TGFBR3: variants seen among roughly 807,000 people sequenced by gnomAD.
TGFBR3 encodes the protein transforming growth factor beta receptor 3, also known as transforming growth factor beta receptor type 3.
TGFBR3 carries 46 observed loss-of-function variants against 87.9 expected under a neutral mutation model. The observed-to-expected ratio is 0.52, with a 90% CI of 0.41 to 0.67. TGFBR3 has a LOEUF of 0.67. Ranked by LOEUF, TGFBR3 falls within the 30% of genes least tolerant of loss-of-function variation. TGFBR3 has a pLI of 0.00. For synonymous variants in TGFBR3, 381 were observed against 391.6 expected, an observed-to-expected ratio of 0.97 and a Z score of 0.32; for missense variants, 866 against 1,041.9, an observed-to-expected ratio of 0.83 and a Z score of 2.32.
rs75475379 is a variant in TGFBR3, at chr1:91,765,605, T to C, written c.247-6855A>G. On this transcript the variant is annotated intron_variant, in intron 3 of 16. Coordinates refer to ENST00000212355, the MANE Select transcript of TGFBR3 (RefSeq NM_003243.5). The stretch of plus-strand genomic sequence containing the variant: ...ACAGCGTAGAATGGCACTTGGGCCA[T>C]CCATGGGAACCATAAAAGGCAAAGA... 6.5e-3 allele frequency among the ~76,000 whole-genome samples: 990 copies of C among 152,196 alleles called. 14 individuals are homozygous for C. Among genetic ancestry groups the C allele is most frequent in the African/African-American group, 0.022 (931 of 41,496 alleles).
rs1670918358 is a variant in TGFBR3, at chr1:91,681,829, G to T, written c.*1910C>A. 1 of 453,212 alleles carries T rather than the reference G, an allele frequency of 2.2e-6. No homozygotes were observed. The allele number at this position is 453,212 out of a possible 1,614,324, so 28.1% of individuals were successfully genotyped here. On this transcript the variant is annotated 3_prime_UTR_variant, in exon 17 of 17. Coordinates refer to ENST00000212355, the MANE Select transcript of TGFBR3 (RefSeq NM_003243.5). Reference sequence around the variant, plus strand: ...TGCTGAAACAATACATTCCACCGAAGGTTAGGCAAAGCGCAATATTTTCAA... The same window carrying T: ...TGCTGAAACAATACATTCCACCGAATGTTAGGCAAAGCGCAATATTTTCAA...
chr1:91,903,224 A>G (rs1198487440), intron 1 of TGFBR3, among the ~76,000 whole-genome samples: 1 of 150,132 alleles, frequency 6.7e-6, no homozygotes, highest in African/African-American at 2.4e-5. Context: ...CTGTAATCCC[A>G]GCTACTCAGG....
chr1:91,726,807 AAAAAAAAAAT>A (rs1672566018), intron 7 of TGFBR3, among the ~76,000 whole-genome samples: 1 of 146,570 alleles, frequency 6.8e-6, no homozygotes, highest in Non-Finnish European at 1.5e-5. Context: ...AAAAAAAAAA[AAAAAAAAAAT>A]TTGAGCCCAT....
chr1:91,687,886 A>G (rs1022672550), intron 16 of TGFBR3, among the ~76,000 whole-genome samples: 4 of 152,232 alleles, frequency 2.6e-5, no homozygotes, highest in African/African-American at 9.6e-5. Context: ...GATGCTAGAA[A>G]GAAAATAAAG....
intron 16 of TGFBR3, among the ~76,000 whole-genome samples, chr1:91,695,212 T>TA (rs1671392228): frequency 1.3e-5 from 2 of 152,180 alleles, no homozygotes; most frequent in East Asian, 1.9e-4. Flanking sequence ...TAGCATGGGT[T>TA]AAAAAAAGGT....
intron 3 of TGFBR3, among the ~76,000 whole-genome samples, chr1:91,795,757 C>A (rs1675359393): frequency 6.6e-6 from 1 of 152,160 alleles, no homozygotes; most frequent in Admixed American, 6.5e-5. Flanking sequence ...AACTCTCCCC[C>A]ATCAGTTCAG....
chr1:91,761,075 G>T (rs1673943968), intron 3 of TGFBR3, among the ~76,000 whole-genome samples: 1 of 152,212 alleles, frequency 6.6e-6, no homozygotes. Context: ...TGCAGGGGCT[G>T]CATCAACCCT....
chr1:91,747,145 AC>A (rs1192831249), intron 4 of TGFBR3, among the ~76,000 whole-genome samples: 2 of 152,230 alleles, frequency 1.3e-5, no homozygotes, highest in Admixed American at 1.3e-4. Context: ...GCAGATTCAA[AC>A]TGTCTGCTGG....
At chr1:91,861,229 T>C (rs1678175172) in intron 2 of TGFBR3, among the ~76,000 whole-genome samples, 1 of 152,064 alleles carries the variant, frequency 6.6e-6, no homozygotes, top group Admixed American at 6.6e-5. Flanking sequence ...TAGGAAACCC[T>C]ATCTCTACAA....
At chr1:91,848,161 A>G (rs1677578418) in intron 2 of TGFBR3, among the ~76,000 whole-genome samples, 1 of 152,234 alleles carries the variant, frequency 6.6e-6, no homozygotes, top group Non-Finnish European at 1.5e-5. Context: ...AAGGCATGCT[A>G]AAATCAAGCT....
At position 91,683,862 on chromosome 1, in the gene TGFBR3, A is replaced by G; in HGVS notation, c.2438-5T>C. ...GCTGCCTTCCTGCTGTCTCCCCTGC[A>G]GTTAATAAAGAAAAGGCAGAGTCAG... is the stretch of plus-strand genomic sequence containing the variant. On this transcript the variant is annotated splice_region_variant and splice_polypyrimidine_tract_variant and intron_variant, in intron 16 of 16. Coordinates refer to ENST00000212355, the MANE Select transcript of TGFBR3 (RefSeq NM_003243.5). 1 of 1,593,106 alleles carries G rather than the reference A, an allele frequency of 6.3e-7. No homozygotes were observed. The highest frequency in any genetic ancestry group is 8.6e-7 in the Non-Finnish European group (1 of 1,169,088).
chr1:91,725,080 T>C (rs1363773942), intron 7 of TGFBR3, among the ~76,000 whole-genome samples: 3 of 152,148 alleles, frequency 2.0e-5, no homozygotes, highest in Non-Finnish European at 4.4e-5. Context: ...TAAAAGTGAT[T>C]ATGCATGGTC....
At chr1:91,693,329 T>A (rs1671326845) in intron 16 of TGFBR3, among the ~76,000 whole-genome samples, 1 of 152,272 alleles carries the variant, frequency 6.6e-6, no homozygotes, top group Non-Finnish European at 1.5e-5. Flanking sequence ...TAATTCATTT[T>A]GCTGGAAAGC....
chr1:91,875,749 A>T (rs1312879059), intron 1 of TGFBR3, among the ~76,000 whole-genome samples: 29 of 117,750 alleles, frequency 2.5e-4, no homozygotes, highest in Non-Finnish European at 4.1e-4. Flanking sequence ...TTAGCTGGGC[A>T]TGGTGGCGCA....
intron 2 of TGFBR3, among the ~76,000 whole-genome samples, chr1:91,850,512 G>A (rs1343982476): frequency 6.6e-6 from 1 of 152,192 alleles, no homozygotes; most frequent in Non-Finnish European, 1.5e-5. Flanking sequence ...CAGGCGTGGT[G>A]GCTCACGCCT....
rs1491332097 is a variant in TGFBR3 at position 91,754,495 on chromosome 1, ACT to A, written c.384+4116_384+4117del. 2.0e-5 allele frequency among the ~76,000 whole-genome samples: 3 copies of A among 152,046 alleles called. No individual in the cohort carries two copies. The East Asian group carries it at 5.8e-4, about 29-fold the overall frequency. ...CACACTCAAAGATTCACTACTTGAA[ACT>A]CAGCCTGAAAGCATCACTCTTCATC... On this transcript the variant is annotated intron_variant, in intron 4 of 16. Coordinates refer to ENST00000212355, the MANE Select transcript of TGFBR3 (RefSeq NM_003243.5).
intron 3 of TGFBR3, chr1:91,770,714 T>C (rs1258425079): frequency 1.3e-5 from 2 of 152,196 alleles, no homozygotes; most frequent in African/African-American, 2.4e-5. Context: ...AGACCTCTGT[T>C]ATGTTGGCAG....
intron 3 of TGFBR3, among the ~76,000 whole-genome samples, chr1:91,774,015 G>T (rs1470869100): frequency 6.6e-6 from 1 of 152,178 alleles, no homozygotes; most frequent in Non-Finnish European, 1.5e-5. Flanking sequence ...AACAAATAAT[G>T]AAATACTCAA....
chr1:91,720,034 T>C lies in TGFBR3; in HGVS notation c.1272A>G (p.Pro424=). The part of the protein sequence containing the change: ...NEEGEDGLPR[P]KDPVIPSIQL... ...GTATGCTGGGAATGACAGGGTCCTT[T>C]GGCCGAGGGAGCCCATCTTCTCCCT... is the stretch of plus-strand genomic sequence containing the variant. The change falls in exon 9 of 17, where the codon CCA becomes CCG. Residue 424 remains proline (P), a synonymous_variant. Transcript: ENST00000212355. 1 of 1,614,204 alleles carries C rather than the reference T, an allele frequency of 6.2e-7. No homozygotes were observed. The highest frequency in any genetic ancestry group is 8.5e-7 in the Non-Finnish European group (1 of 1,180,024).
Sources: gnomAD v4.1 joint callset for allele counts (sites outside exome capture counted in the v4.1 genomes callset) on GRCh38, gnomAD v4.1.1 for gene constraint, MANE v1.5 for transcripts, NCBI Gene and HGNC (gene_info 2026-07-23, HGNC 2026-07-21) for gene names.